TTN: variants seen among roughly 807,000 people sequenced by gnomAD.
TTN encodes connectin.
Under a neutral mutation model 3,223.0 loss-of-function variants are expected in TTN, and 1,525 were observed. That is an observed-to-expected ratio of 0.47 (90% CI 0.45 to 0.49). The LOEUF (loss-of-function observed/expected upper bound fraction) is 0.49, where lower values mean the gene tolerates loss of function less well. Among genes scored for constraint, TTN ranks in the 20% least tolerant of loss-of-function variants. The pLI is 0.00. For synonymous variants in TTN, 14,094 were observed against 15,161.0 expected (o/e 0.93, Z 5.17); for missense variants, 40,786 against 43,424.0 (o/e 0.94, Z 5.40).
rs1559352435 is a variant in TTN at position 178,566,532 on chromosome 2, A to G, written c.79600T>C (p.Trp26534Arg). 2.5e-6 allele frequency: 4 copies of G among 1,613,428 alleles called. No homozygotes were observed. The highest frequency in any genetic ancestry group is 1.7e-4 in the Middle Eastern group (1 of 6,060). The change falls in exon 326 of 363, where the codon TGG (tryptophan) becomes CGG (arginine). Residue 26534 changes from tryptophan (W) to arginine (R), a missense_variant. Physicochemically the swap from Trp to Arg is moderately radical, Grantham distance 101. Transcript: ENST00000589042. ...CCAGTCTGTGGAGTAACTATTTGCC[A>G]TTCTTCTTCATCTGCTTTACAGATT... ...VEICKADEEE[W>R]QIVTPQTGLR... is the part of the protein sequence containing the mutation.
At chr2:178,602,252 G>A (rs2154193504) in intron 283 of TTN, 30 bp downstream of exon 283, 1 of 1,602,600 alleles carries the variant, frequency 6.2e-7, no homozygotes, top group African/African-American at 1.3e-5. Flanking sequence ...GATCAAAAGA[G>A]GAATACATAA....
chr2:178,685,030 A>G (rs1405131484), intron 129 of TTN, 41 bp from the exon 130 acceptor site: 5 of 1,484,788 alleles, frequency 3.4e-6, no homozygotes, highest in African/African-American at 1.4e-5. Flanking sequence ...TTTGCCTTAC[A>G]TATGAAGTGA....
Position 178,636,861 on chromosome 2 carries a change from T to G in TTN, c.40928-62A>C, listed in dbSNP as rs1387706462. ...TCCTTAGGAGTCAGAAAGTTCATAC[T>G]TGGCTGCCTGCTGGATAAAACCAGC... is the stretch of plus-strand genomic sequence containing the variant. On this transcript the variant is annotated intron_variant, in intron 224 of 362. Transcript: ENST00000589042. This position sits in a 1 kb window ranked among gnomAD's most constrained non-coding sequence, Gnocchi z 4.3. 12 of 1,492,918 alleles carry G rather than the reference T, an allele frequency of 8.0e-6. No homozygotes were observed. In the African/African-American group the frequency reaches 9.8e-5, roughly 12 times the overall value. 92.5% of individuals were successfully genotyped at this position (1,492,918 alleles called of 1,614,324 possible).
rs145560044 is a variant in TTN at position 178,530,571 on chromosome 2, G to T, written c.106044C>A (p.Asn35348Lys). ...ADGTYELKINNLTESDQGEYV... is the reference protein window; with the variant it reads ...ADGTYELKINKLTESDQGEYV... The stretch of plus-strand genomic sequence containing the variant: ...ATTCTCCTTGATCAGATTCAGTGAG[G>T]TTATTGATTTTGAGCTCATAGGTAC... Residue 35348 changes from asparagine to lysine, a missense_variant, in exon 358 of 363, where the codon AAC becomes AAA. Transcript: ENST00000589042. 74 of 1,613,882 alleles carry T rather than the reference G, an allele frequency of 4.6e-5. 1 individual carries two copies. In the Admixed American group the frequency reaches 1.1e-3, roughly 24 times the overall value.
At chr2:178,669,733 A>T (rs2066637918) in intron 157 of TTN, 58 bp from the exon 158 acceptor site, 1 of 1,567,788 alleles carries the variant, frequency 6.4e-7, no homozygotes. Context: ...GTGTAAACAT[A>T]GCAAGCCTAG....
chr2:178,577,361 C>A lies in TTN; in HGVS notation c.68974G>T (p.Asp22992Tyr). The change falls in exon 324 of 363, where the codon GAT becomes TAT. Residue 22992 changes from aspartate to tyrosine, a missense_variant. Coordinates refer to ENST00000589042, the MANE Select transcript of TTN (RefSeq NM_001267550.2). ...SKAGKDIRPS[D>Y]ITQITSTPTS... ...GGGGTTGAAGTTATCTGAGTGATAT[C>A]TGATGGTCTAATGTCTTTTCCTGCC... 2 of 1,612,746 alleles carry A rather than the reference C, an allele frequency of 1.2e-6. No individual in the cohort carries two copies. Among genetic ancestry groups the A allele is most frequent in the Non-Finnish European group, 1.7e-6 (2 of 1,179,492 alleles).
In TTN at chr2:178,727,579, G is replaced by T. The variant is rs371014054; in HGVS notation, c.19993+6C>A. 3.2e-6 allele frequency: 5 copies of T among 1,552,212 alleles called. No homozygotes were observed. The African/African-American group carries it at 6.9e-5, about 21-fold the overall frequency. On this transcript the variant is annotated splice_donor_region_variant and intron_variant, in intron 68 of 362. Transcript: ENST00000589042. ...ACAGAAACATAAAGGAATCAAATTT[G>T]CACACCTGTCACAAGCAACATCGTA...
intron 145 of TTN, 75 bp from the exon 146 acceptor site, chr2:178,677,992 A>T: frequency 6.4e-7 from 1 of 1,563,274 alleles, no homozygotes; most frequent in Non-Finnish European, 8.6e-7. Context: ...AAGCTTATGA[A>T]AGGCAAATAT....
chr2:178,601,608 T>C, intron 286 of TTN, 44 bp from the exon 287 acceptor site: 2 of 1,584,122 alleles, frequency 1.3e-6, no homozygotes, highest in Non-Finnish European at 1.7e-6. Context: ...CCTTAAATGC[T>C]TAAAAATAAT....
intron 92 of TTN, chr2:178,713,647 G>T: frequency 1.4e-6 from 1 of 706,854 alleles, no homozygotes; most frequent in Non-Finnish European, 2.2e-6. Flanking sequence ...AATGAAGACT[G>T]CTTTAACCTT....
intron 3 of TTN, among the ~76,000 whole-genome samples, chr2:178,800,899 C>T (rs1484616097): frequency 6.6e-6 from 1 of 152,126 alleles, no homozygotes; most frequent in South Asian, 2.1e-4. Context: ...ATTTTATTTG[C>T]TTTGTTTTGC....
rs557356942 is a variant in TTN at position 178,726,934 on chromosome 2, A to G, written c.20275+156T>C. On this transcript the variant is annotated intron_variant, in intron 69 of 362. Coordinates refer to ENST00000589042, the MANE Select transcript of TTN (RefSeq NM_001267550.2). The stretch of plus-strand genomic sequence containing the variant: ...TAGTTACATGTAAGCAAAATTCAAG[A>G]AGGAAACCATCTAAAAAGGGAAATA... 1.8e-4 allele frequency: 136 copies of G among 745,354 alleles called. No homozygotes were observed. The African/African-American group carries it at 2.4e-3, about 13-fold the overall frequency. The allele number at this position is 745,354 out of a possible 1,614,324, so 46.2% of individuals were successfully genotyped here.
In TTN at chr2:178,547,018, C is replaced by T. The variant is rs375657115; in HGVS notation, c.94507G>A (p.Ala31503Thr). ...KASEASRPIMAQNPVDAPGRP... is the reference protein window; with the variant it reads ...KASEASRPIMTQNPVDAPGRP... ...TGATACATACCAACTGGATTTTGAG[C>T]CATTATAGGTCTTGAAGCTTCGCTG... The change falls in exon 340 of 363, where the codon GCT becomes ACT. Residue 31503 changes from alanine (A) to threonine (T), a missense_variant. By Grantham distance (58) the Ala-to-Thr change is moderately conservative (BLOSUM62 0). Coordinates refer to ENST00000589042, the MANE Select transcript of TTN (RefSeq NM_001267550.2). 5.3e-5 allele frequency: 85 copies of T among 1,608,422 alleles called. No homozygotes were observed. Among genetic ancestry groups the T allele is most frequent in the Admixed American group, 1.7e-4 (10 of 59,660 alleles).
At chr2:178,804,404 T>TA (rs2094214179) in intron 2 of TTN, 148 bp downstream of exon 2, 1 of 723,752 alleles carries the variant, frequency 1.4e-6, no homozygotes, top group Admixed American at 2.1e-5. Context: ...GTGAATGGTA[T>TA]ACCCTTAAAA....
In TTN at chr2:178,711,109, G is replaced by T; in HGVS notation, c.28127C>A (p.Thr9376Lys). 6.2e-7 allele frequency: 1 copy of T among 1,613,570 alleles called. No homozygotes were observed. Among genetic ancestry groups the T allele is most frequent in the Non-Finnish European group, 8.5e-7 (1 of 1,179,628 alleles). ...GGAAGAAGCAGAGCCTATAGGGTTT[G>T]TAGCTGTGCAGGAATACTGGCCTGC... The part of the protein sequence containing the change: ...SLAGQYSCTA[T>K]NPIGSASSSA... The change falls in exon 97 of 363, where the codon ACA (threonine) becomes AAA (lysine). Residue 9376 changes from threonine (T) to lysine (K), a missense_variant. Physicochemically the swap from Thr to Lys is moderately conservative, Grantham distance 78 (BLOSUM62 -1). Transcript: ENST00000589042.
chr2:178,613,668 C>T (rs2056761087), intron 263 of TTN, 83 bp downstream of exon 263: 2 of 1,381,218 alleles, frequency 1.4e-6, no homozygotes, highest in Non-Finnish European at 1.9e-6. Context: ...AATATATAAT[C>T]ATCTGTAATC....
Position 178,681,870 on chromosome 2 carries a change from AATCAGAG to A in TTN, c.33095-139_33095-133del. 4.3e-6 allele frequency: 3 copies of A among 693,276 alleles called. 1 individual carries two copies. Among genetic ancestry groups the A allele is most frequent in the Non-Finnish European group, 6.7e-6 (3 of 448,594 alleles). 42.9% of individuals were successfully genotyped at this position (693,276 alleles called of 1,614,324 possible). On this transcript the variant is annotated intron_variant, in intron 135 of 362. Transcript: ENST00000589042. ...GCCATAGCCTATTGAAGTAGGCAAG[AATCAGAG>A]ATCCAAGCAGAACAAGCTCATATTG...
At chr2:178,621,022 A>G (rs1467059417) in intron 246 of TTN, 29 bp from the exon 247 acceptor site, 8 of 1,605,648 alleles carry the variant, frequency 5.0e-6, no homozygotes, top group East Asian at 2.2e-5. Flanking sequence ...ACTTTATAGT[A>G]TGAATAATGA....
rs1345942434 is a variant in TTN, at chr2:178,715,579, A to C, written c.25835T>G (p.Leu8612Arg). The part of the protein sequence containing the change: ...DSVAVLEMHN[L>R]SVEDSGDYTC... ...GTAGTCTCCACTGTCTTCAACACTGAGATTGTGCATTTCCAGCACAGCCAC... is the reference window on the plus strand; with the variant it reads ...GTAGTCTCCACTGTCTTCAACACTGCGATTGTGCATTTCCAGCACAGCCAC... The change falls in exon 89 of 363, where the codon CTC (leucine) becomes CGC (arginine). Residue 8612 changes from leucine (L) to arginine (R), a missense_variant. Physicochemically the swap from Leu to Arg is moderately radical, Grantham distance 102. Transcript: ENST00000589042. 1 of 1,613,368 alleles carries C rather than the reference A, an allele frequency of 6.2e-7. No homozygotes were observed. Among genetic ancestry groups the C allele is most frequent in the African/African-American group, 1.3e-5 (1 of 74,834 alleles).
Sources: gnomAD v4.1 joint callset for allele counts (sites outside exome capture counted in the v4.1 genomes callset) on GRCh38, gnomAD v4.1.1 for gene constraint, Gnocchi (gnomAD v3.1) non-coding constraint, MANE v1.5 for transcripts, NCBI Gene and HGNC (gene_info 2026-07-23, HGNC 2026-07-21) for gene names.